TSG101: variants seen among roughly 807,000 people sequenced by gnomAD.
TSG101 encodes the protein tumor susceptibility gene 101 protein.
TSG101 carries 19 observed loss-of-function variants against 48.5 expected under a neutral mutation model. That is an observed-to-expected ratio of 0.39 (90% CI 0.27 to 0.58). TSG101 has a LOEUF of 0.58. TSG101 is among the 20% of genes least tolerant of loss of function. TSG101 has a pLI of 0.55. For synonymous variants in TSG101, 174 were observed against 169.4 expected, an observed-to-expected ratio of 1.03 and a Z score of -0.21; for missense variants, 365 against 484.4, an observed-to-expected ratio of 0.75 and a Z score of 2.31.
Position 18,499,654 on chromosome 11 carries a change from GC to G in TSG101, c.640+2831del, listed in dbSNP as rs374861582. Among the ~76,000 whole-genome samples, 209 of 150,790 alleles carry G rather than the reference GC, an allele frequency of 1.4e-3. 1 individual carries two copies. Among genetic ancestry groups the G allele is most frequent in the African/African-American group, 4.7e-3 (191 of 41,052 alleles). On this transcript the variant is annotated intron_variant, in intron 7 of 9. Transcript: ENST00000251968. ...TCTCCAACTCCTGACCTCGCAATCT[GC>G]CCGCCTTGGCCTCCCAAAGTGCTGG...
intron 9 of TSG101, 57 bp downstream of exon 9, chr11:18,481,573 G>C: frequency 4.5e-6 from 7 of 1,566,288 alleles, no homozygotes; most frequent in Non-Finnish European, 6.0e-6. Context: ...TGGTTTGCAA[G>C]GTCAGTGCCT....
At chr11:18,518,656 A>T (rs1364306472) in intron 2 of TSG101, among the ~76,000 whole-genome samples, 1 of 152,218 alleles carries the variant, frequency 6.6e-6, no homozygotes, top group Non-Finnish European at 1.5e-5. Context: ...TGAAAGGGAC[A>T]GTCCAGAGTA....
intron 7 of TSG101, among the ~76,000 whole-genome samples, chr11:18,501,974 G>A (rs1227418848): frequency 6.6e-6 from 1 of 152,154 alleles, no homozygotes; most frequent in African/African-American, 2.4e-5. Context: ...TGGTGGTGCA[G>A]GTAGTGGGAG....
intron 7 of TSG101, among the ~76,000 whole-genome samples, chr11:18,488,508 G>C (rs1330973081): frequency 2.0e-5 from 3 of 152,258 alleles, no homozygotes; most frequent in Admixed American, 6.5e-5. Flanking sequence ...TAAAAAGCAT[G>C]ATCAGGGCCA....
intron 2 of TSG101, among the ~76,000 whole-genome samples, chr11:18,517,023 G>T (rs1276659322): frequency 6.6e-6 from 1 of 152,158 alleles, no homozygotes; most frequent in Non-Finnish European, 1.5e-5. Flanking sequence ...GAGATGTGCA[G>T]ACATTTATCC....
chr11:18,517,977 C>A (rs1850207896), intron 2 of TSG101, among the ~76,000 whole-genome samples: 1 of 152,164 alleles, frequency 6.6e-6, no homozygotes, highest in Non-Finnish European at 1.5e-5. Flanking sequence ...CTTAGTCCAG[C>A]CACATGAAAC....
intron 7 of TSG101, among the ~76,000 whole-genome samples, chr11:18,496,594 CG>C (rs1565086086): frequency 1.3e-5 from 2 of 152,106 alleles, no homozygotes; most frequent in African/African-American, 2.4e-5. Flanking sequence ...GAGGCCAGCA[CG>C]GGTGGATCAC....
intron 7 of TSG101, among the ~76,000 whole-genome samples, chr11:18,501,022 G>A (rs1849878250): frequency 6.6e-6 from 1 of 152,090 alleles, no homozygotes; most frequent in Non-Finnish European, 1.5e-5. Context: ...TGGCCAGGCT[G>A]GTCTTGAACT....
chr11:18,502,240 G>A (rs1483389870), intron 7 of TSG101, among the ~76,000 whole-genome samples: 1 of 152,080 alleles, frequency 6.6e-6, no homozygotes, highest in Non-Finnish European at 1.5e-5. Flanking sequence ...CACATGTTTG[G>A]CTCACAAATA....
intron 7 of TSG101, among the ~76,000 whole-genome samples, chr11:18,499,402 A>ATTTTTTTTTTTTTTTT (rs1160424288): frequency 1.8e-4 from 1 of 5,456 alleles, no homozygotes; most frequent in Non-Finnish European, 3.5e-4. Flanking sequence ...ATATATATAT[A>ATTTTTTTTTTTTTTTT]TTTTTTTTTT....
intron 7 of TSG101, among the ~76,000 whole-genome samples, chr11:18,496,647 T>G (rs1363378444): frequency 6.6e-6 from 1 of 151,894 alleles, no homozygotes; most frequent in Non-Finnish European, 1.5e-5. Context: ...AATACAAAAA[T>G]TAGCCGGGCA....
At chr11:18,482,340 G>C (rs1849553185) in intron 8 of TSG101, among the ~76,000 whole-genome samples, 1 of 152,160 alleles carries the variant, frequency 6.6e-6, no homozygotes, top group African/African-American at 2.4e-5. Context: ...CTGGTTGTAG[G>C]CTCTGAGTTG....
intron 5 of TSG101, 29 bp downstream of exon 5, chr11:18,509,513 T>G (rs766961767): frequency 1.9e-6 from 3 of 1,604,886 alleles, no homozygotes; most frequent in Non-Finnish European, 2.5e-6. Flanking sequence ...TTTATATGAG[T>G]TTTAAAGTAA....
chr11:18,500,497 T>C (rs1008060669), intron 7 of TSG101, among the ~76,000 whole-genome samples: 5 of 152,178 alleles, frequency 3.3e-5, no homozygotes, highest in African/African-American at 1.2e-4. Flanking sequence ...ATTTTTTTAT[T>C]TTTTGTCTTT....
chr11:18,499,223 TATATATG>T (rs1456287594), intron 7 of TSG101, among the ~76,000 whole-genome samples: 1 of 138,266 alleles, frequency 7.2e-6, no homozygotes, highest in Non-Finnish European at 1.5e-5. Flanking sequence ...TATATATATT[TATATATG>T]ATATATAATT....
At chr11:18,499,295 T>C (rs1475076910) in intron 7 of TSG101, among the ~76,000 whole-genome samples, 4 of 112,022 alleles carry the variant, frequency 3.6e-5, no homozygotes, top group South Asian at 2.9e-4. Flanking sequence ...CATATATATT[T>C]ATATTTATAT....
intron 7 of TSG101, chr11:18,490,311 T>C: frequency 1.7e-6 from 1 of 587,888 alleles, no homozygotes; most frequent in South Asian, 1.4e-5. Context: ...CCCAAGTAAT[T>C]GCATGATCAG....
chr11:18,481,980 A>C, intron 8 of TSG101, 111 bp from the exon 9 acceptor site: 4 of 1,396,128 alleles, frequency 2.9e-6, no homozygotes, highest in Non-Finnish European at 2.9e-6. Context: ...TAAACAACTC[A>C]TGGATGAGAA....
At chr11:18,483,481 G>A (rs543766067) in intron 8 of TSG101, among the ~76,000 whole-genome samples, 1 of 120,494 alleles carries the variant, frequency 8.3e-6, no homozygotes, top group Non-Finnish European at 1.7e-5. Flanking sequence ...GAGCGCAAGA[G>A]TGAAACTCTC....
Sources: gnomAD v4.1 joint callset for allele counts (sites outside exome capture counted in the v4.1 genomes callset) on GRCh38, gnomAD v4.1.1 for gene constraint, MANE v1.5 for transcripts, NCBI Gene and HGNC (gene_info 2026-07-23, HGNC 2026-07-21) for gene names.